The following OTOP2 variants were observed in gnomAD, a reference collection of about 807,000 sequenced individuals.
OTOP2 encodes the protein proton channel OTOP2.
A neutral mutation model predicts 47.4 loss-of-function variants in OTOP2; 41 were observed. The ratio of observed to expected loss-of-function variants is 0.87; its 90% CI spans 0.67 to 1.12. OTOP2 has a LOEUF of 1.12. Among genes scored for constraint, OTOP2 ranks in the 50% most tolerant of loss-of-function variants. The pLI is 0.00. For missense variants in OTOP2, 721 were observed against 752.2 expected, an observed-to-expected ratio of 0.96 and a Z score of 0.49; for synonymous variants, 328 against 319.6, an observed-to-expected ratio of 1.03 and a Z score of -0.28.
intron 3 of OTOP2, 28 bp from the exon 4 acceptor site, chr17:74,927,195 T>C: frequency 3.8e-6 from 6 of 1,589,352 alleles, no homozygotes; most frequent in Non-Finnish European, 5.2e-6. Context: ...ATGGAGTAAA[T>C]GACTCTCACC....
At chr17:74,927,387 G>GT in intron 4 of OTOP2, 106 bp downstream of exon 4, 1 of 1,347,156 alleles carries the variant, frequency 7.4e-7, no homozygotes, top group Non-Finnish European at 1.1e-6. Flanking sequence ...TGTCCCCTGG[G>GT]TGGGGTTGCA....
intron 3 of OTOP2, 101 bp from the exon 4 acceptor site, chr17:74,927,122 G>C (rs781060736): frequency 1.2e-5 from 13 of 1,083,784 alleles, no homozygotes; most frequent in African/African-American, 6.2e-5. Context: ...CTCAGTGTAA[G>C]GGTTCCTCAG....
chr17:74,929,321 G>C (rs958843858), intron 5 of OTOP2, among the ~76,000 whole-genome samples: 3 of 152,160 alleles, frequency 2.0e-5, no homozygotes, highest in Admixed American at 6.5e-5. Flanking sequence ...GTTCCCAAGA[G>C]AGCCACTTTC....
chr17:74,926,933 G>A (rs995519074), intron 3 of OTOP2, among the ~76,000 whole-genome samples: 55 of 151,776 alleles, frequency 3.6e-4, no homozygotes, highest in African/African-American at 4.4e-4. Context: ...TTTTTTGTGC[G>A]TTTTTAGTAC....
In OTOP2 at chr17:74,924,801, G is replaced by T; in HGVS notation, c.169G>T (p.Val57Leu). The change falls in exon 2 of 7, where the codon GTG becomes TTG. Residue 57 changes from valine (V) to leucine (L), a missense_variant. Physicochemically the swap from Val to Leu is conservative, Grantham distance 32 (BLOSUM62 1). Transcript: ENST00000331427. The surrounding 1 kb of genome is among the most constrained non-coding windows in gnomAD (Gnocchi z 7.7). ...ISGGAFNKVA[V>L]YDTDVFALLT... ...CGGCGGAGCCTTCAACAAGGTGGCC[G>T]TGTACGACACCGACGTGTTCGCGCT... 2 of 1,611,698 alleles carry T rather than the reference G, an allele frequency of 1.2e-6. No homozygotes were observed. Among genetic ancestry groups the T allele is most frequent in the East Asian group, 2.2e-5 (1 of 44,772 alleles).
Position 74,924,815 on chromosome 17 carries a change from C to G in OTOP2, c.183C>G (p.Asp61Glu). 4 of 1,611,622 alleles carry G rather than the reference C, an allele frequency of 2.5e-6. No homozygotes were observed. Among genetic ancestry groups the G allele is most frequent in the Middle Eastern group, 3.3e-4 (2 of 6,062 alleles). The change falls in exon 2 of 7, where the codon GAC (aspartate) becomes GAG (glutamate). Residue 61 changes from aspartate (D) to glutamate (E), a missense_variant. Physicochemically the swap from Asp to Glu is conservative, Grantham distance 45. Transcript: ENST00000331427. The surrounding 1 kb of genome is among the most constrained non-coding windows in gnomAD (Gnocchi z 7.7). Reference sequence around the variant, plus strand: ...ACAAGGTGGCCGTGTACGACACCGACGTGTTCGCGCTGCTCACTGCGATGA... The same window carrying G: ...ACAAGGTGGCCGTGTACGACACCGAGGTGTTCGCGCTGCTCACTGCGATGA... The part of the protein sequence containing the change: ...AFNKVAVYDT[D>E]VFALLTAMML...
chr17:74,925,576 A>T lies in OTOP2; in HGVS notation c.334A>T (p.Ile112Phe). 1 of 1,614,058 alleles carries T rather than the reference A, an allele frequency of 6.2e-7. No individual in the cohort carries two copies. Among genetic ancestry groups the T allele is most frequent in the African/African-American group, 1.3e-5 (1 of 75,016 alleles). The stretch of plus-strand genomic sequence containing the variant: ...TCCAGGTGGGCTGGTGCTGTTTGGA[A>T]TCTGCACCCTCATCATGGATGTCTT... ...WLRGGLVLFG[I>F]CTLIMDVFKT... The change falls in exon 3 of 7, where the codon ATC becomes TTC. Residue 112 changes from isoleucine (I) to phenylalanine (F), a missense_variant. By Grantham distance (21) the Ile-to-Phe change is conservative. Transcript: ENST00000331427.
chr17:74,928,480 G>A (rs2039029448), intron 5 of OTOP2, among the ~76,000 whole-genome samples: 1 of 152,230 alleles, frequency 6.6e-6, no homozygotes, highest in African/African-American at 2.4e-5. Context: ...CCGGGAAGGA[G>A]GAGAAGGTGA....
chr17:74,924,616 C>A lies in OTOP2; in HGVS notation c.-17C>A. The A allele has an allele frequency of 6.5e-7, 1 of 1,545,204 alleles. No homozygotes were observed. ...CCCCTACAGTGATCCCTCTAGCCTT[C>A]TCCAGTCGCCTCCGCCATGTCCGAG... On this transcript the variant is annotated 5_prime_UTR_variant, in exon 2 of 7. Coordinates refer to ENST00000331427, the MANE Select transcript of OTOP2 (RefSeq NM_178160.3). The surrounding 1 kb of genome is among the most constrained non-coding windows in gnomAD (Gnocchi z 7.7).
intron 6 of OTOP2, among the ~76,000 whole-genome samples, chr17:74,932,424 T>A (rs554195465): frequency 2.0e-5 from 3 of 152,278 alleles, no homozygotes; most frequent in African/African-American, 7.2e-5. Context: ...TCCCCATAGA[T>A]GTGGGATGAT....
rs1266577703 is a variant in OTOP2, at chr17:74,931,167, G to C, written c.1518+14G>C. 1 of 1,565,754 alleles carries C rather than the reference G, an allele frequency of 6.4e-7. No individual in the cohort carries two copies. Among genetic ancestry groups the C allele is most frequent in the African/African-American group, 1.4e-5 (1 of 73,788 alleles). ...TGCAATGTCATTGTGAGTAGCTGGG[G>C]GGAGAAAGGGTGGGCTTGGGAGAAG... On this transcript the variant is annotated intron_variant, in intron 6 of 6. Transcript: ENST00000331427.
At chr17:74,927,165 C>A in intron 3 of OTOP2, 58 bp from the exon 4 acceptor site, 1 of 1,455,044 alleles carries the variant, frequency 6.9e-7, no homozygotes. Flanking sequence ...GACTTGGGTG[C>A]GCTGGAGTTT....
At chr17:74,931,953 C>CAAAAAAAA (rs5822060) in intron 6 of OTOP2, among the ~76,000 whole-genome samples, 3 of 84,050 alleles carry the variant, frequency 3.6e-5, no homozygotes, top group African/African-American at 1.0e-4. Flanking sequence ...GACACTCTGT[C>CAAAAAAAA]AAAAAAAAAA....
chr17:74,931,953 CAAAAAA>C (rs5822060), intron 6 of OTOP2, among the ~76,000 whole-genome samples: 18 of 84,072 alleles, frequency 2.1e-4, no homozygotes, highest in African/African-American at 9.1e-4. Flanking sequence ...GACACTCTGT[CAAAAAA>C]AAAAAAAAAA....
chr17:74,930,905 A>G lies in OTOP2; in HGVS notation c.1270A>G (p.Ser424Gly). 3 of 1,613,886 alleles carry G rather than the reference A, an allele frequency of 1.9e-6. No individual in the cohort carries two copies. The highest frequency in any genetic ancestry group is 2.5e-6 in the Non-Finnish European group (3 of 1,179,988). Residue 424 changes from serine (S) to glycine (G), a missense_variant, in exon 6 of 7, where the codon AGC becomes GGC. Coordinates refer to ENST00000331427, the MANE Select transcript of OTOP2 (RefSeq NM_178160.3). The surrounding 1 kb of genome is among the most constrained non-coding windows in gnomAD (Gnocchi z 4.0). ...CTTCCAGAACATGTTTATCATCGAG[A>G]GCCTTCACCGAGGACCGCCCGGGGC... is the stretch of plus-strand genomic sequence containing the variant. ...HTFQNMFIIE[S>G]LHRGPPGAEP...
At chr17:74,927,349 T>A (rs766848509) in intron 4 of OTOP2, 68 bp downstream of exon 4, 1 of 1,526,336 alleles carries the variant, frequency 6.6e-7, no homozygotes, top group Admixed American at 1.7e-5. Context: ...GATTCAGGCT[T>A]TCCACCCTGG....
chr17:74,933,639 A>G lies in OTOP2; in HGVS notation c.*94A>G. On this transcript the variant is annotated 3_prime_UTR_variant, in exon 7 of 7. Transcript: ENST00000331427. This position sits in a 1 kb window ranked among gnomAD's most constrained non-coding sequence, Gnocchi z 4.7. Reference sequence around the variant, plus strand: ...GGGAATGAATCCCAGCTGGTGCCATATGACAGCCCATTTCCTTCTGGTCCC... The same window carrying G: ...GGGAATGAATCCCAGCTGGTGCCATGTGACAGCCCATTTCCTTCTGGTCCC... The G allele has an allele frequency of 6.0e-6, 8 of 1,335,936 alleles. No individual in the cohort carries two copies. The highest frequency in any genetic ancestry group is 8.0e-6 in the Non-Finnish European group (8 of 993,938). 82.8% of individuals were successfully genotyped at this position (1,335,936 alleles called of 1,614,324 possible).
At chr17:74,927,400 C>T in intron 4 of OTOP2, 119 bp downstream of exon 4, 1 of 1,247,396 alleles carries the variant, frequency 8.0e-7, no homozygotes, top group South Asian at 1.2e-5. Flanking sequence ...GGGTTGCAGC[C>T]AAGCCCTCCT....
At chr17:74,931,372 A>C (rs116769362) in intron 6 of OTOP2, among the ~76,000 whole-genome samples, 3,130 of 152,282 alleles carry the variant, frequency 0.021, 106 homozygotes, top group African/African-American at 0.071. Context: ...GCGTTCTGGC[A>C]TCTAAGCAGC....
Sources: allele counts gnomAD v4.1 joint callset (sites outside exome capture counted in the v4.1 genomes callset), GRCh38; gene constraint gnomAD v4.1.1; non-coding constraint Gnocchi (gnomAD v3.1); transcripts MANE v1.5; gene names NCBI Gene and HGNC (gene_info 2026-07-23, HGNC 2026-07-21).